Variants in PCDH9 observed in about 807,000 individuals in gnomAD.
PCDH9 encodes the protein protocadherin-9.
A neutral mutation model predicts 70.6 loss-of-function variants in PCDH9; 24 were observed. The observed-to-expected ratio is 0.34, with a 90% CI of 0.25 to 0.48. The LOEUF is 0.48. Ranked by LOEUF, PCDH9 falls within the 20% of genes least tolerant of loss-of-function variation. The probability of loss-of-function intolerance (pLI) is 0.99; values close to 1 mark genes in which losing one functional copy is unlikely to be tolerated. For missense variants in PCDH9, 1,281 were observed against 1,503.6 expected (o/e 0.85, Z 2.45); for synonymous variants, 562 against 558.5 (o/e 1.01, Z -0.09).
chr13:67,083,209 A>G (rs1486605340), intron 2 of PCDH9, among the ~76,000 whole-genome samples: 1 of 152,172 alleles, frequency 6.6e-6, no homozygotes, highest in Non-Finnish European at 1.5e-5. Context: ...ATGTATTATT[A>G]AAATGCATTT....
At chr13:67,190,431 A>C (rs1286668177) in intron 2 of PCDH9, among the ~76,000 whole-genome samples, 2 of 150,900 alleles carry the variant, frequency 1.3e-5, no homozygotes, top group Non-Finnish European at 3.0e-5. Flanking sequence ...TTTCACCTAG[A>C]CTTTGATATC....
In PCDH9 at chr13:66,312,610, C is replaced by CAAAA. The variant is rs11352387; in HGVS notation, c.3341-7586_3341-7583dup. Among the ~76,000 whole-genome samples, 1,225 of 137,520 alleles carry CAAAA rather than the reference C, an allele frequency of 8.9e-3. 16 individuals are homozygous for CAAAA. The highest frequency in any genetic ancestry group is 0.031 in the African/African-American group (1,145 of 37,352). The allele number at this position is 137,520 out of a possible 152,430, so 90.2% of individuals were successfully genotyped here. ...TGGGAGATAGAGCGAGATCCTGCCT[C>CAAAA]AAAAAAAAAAAAAAAATTACTCTAG... is the stretch of plus-strand genomic sequence containing the variant. On this transcript the variant is annotated intron_variant, in intron 4 of 4. Transcript: ENST00000377865.
chr13:66,996,601 C>T (rs1320405870), intron 2 of PCDH9, among the ~76,000 whole-genome samples: 1 of 152,118 alleles, frequency 6.6e-6, no homozygotes. Context: ...AAGGAAATAG[C>T]ATCAACATTA....
At chr13:66,856,818 T>C (rs949420081) in intron 3 of PCDH9, among the ~76,000 whole-genome samples, 2 of 152,114 alleles carry the variant, frequency 1.3e-5, no homozygotes, top group East Asian at 1.9e-4. Flanking sequence ...TCTATACTTA[T>C]GTGCTTTCAC....
At chr13:66,513,729 A>AC (rs1959599247) in intron 4 of PCDH9, among the ~76,000 whole-genome samples, 1 of 152,128 alleles carries the variant, frequency 6.6e-6, no homozygotes, top group Admixed American at 6.6e-5. Flanking sequence ...TAAAAAAAAA[A>AC]AAAGCCTGAA....
intron 2 of PCDH9, among the ~76,000 whole-genome samples, chr13:67,174,779 T>C (rs1402630557): frequency 1.3e-5 from 2 of 152,126 alleles, no homozygotes; most frequent in African/African-American, 4.8e-5. Flanking sequence ...TGTCATTTCT[T>C]TATCAGATTG....
At chr13:66,670,605 T>C (rs568667101) in intron 3 of PCDH9, among the ~76,000 whole-genome samples, 3 of 152,174 alleles carry the variant, frequency 2.0e-5, no homozygotes, top group African/African-American at 7.2e-5. Flanking sequence ...CTCAGTTAAA[T>C]GAGAAGAGGA....
At chr13:66,535,864 A>G (rs1299710506) in intron 4 of PCDH9, among the ~76,000 whole-genome samples, 1 of 152,022 alleles carries the variant, frequency 6.6e-6, no homozygotes, top group Non-Finnish European at 1.5e-5. Flanking sequence ...ATAACTACAA[A>G]ATTGAAATAG....
chr13:67,076,835 C>A lies in PCDH9; in HGVS notation c.3036+148570G>T, dbSNP rs560403229. ...GAATGCACAATATAGTTTAATTTTC[C>A]TATTTGAAGTAACATAACACATATG... On this transcript the variant is annotated intron_variant, in intron 2 of 4. Coordinates refer to ENST00000377865, the MANE Select transcript of PCDH9 (RefSeq NM_203487.3). 5.3e-5 allele frequency among the ~76,000 whole-genome samples: 8 copies of A among 152,204 alleles called. No homozygotes were observed. In the South Asian group the frequency reaches 1.0e-3, roughly 20 times the overall value.
chr13:66,714,050 T>C (rs1311679108), intron 3 of PCDH9, among the ~76,000 whole-genome samples: 1 of 152,192 alleles, frequency 6.6e-6, no homozygotes, highest in African/African-American at 2.4e-5. Flanking sequence ...TAATATACTT[T>C]TGAAGGCTAT....
At chr13:66,379,059 C>G (rs922157661) in intron 4 of PCDH9, among the ~76,000 whole-genome samples, 1 of 152,162 alleles carries the variant, frequency 6.6e-6, no homozygotes, top group Non-Finnish European at 1.5e-5. Context: ...GGAAGTATCC[C>G]AACAATCTGT....
At chr13:67,047,891 C>T (rs2085252546) in intron 2 of PCDH9, among the ~76,000 whole-genome samples, 1 of 152,176 alleles carries the variant, frequency 6.6e-6, no homozygotes, top group African/African-American at 2.4e-5. Context: ...CTCTACGCTA[C>T]CAGTTTATCT....
chr13:66,640,170 A>G (rs957771387), intron 3 of PCDH9, among the ~76,000 whole-genome samples: 1 of 152,210 alleles, frequency 6.6e-6, no homozygotes, highest in African/African-American at 2.4e-5. Context: ...GACATCACAG[A>G]TACAACATAC....
At chr13:66,688,219 C>A (rs1484138136) in intron 3 of PCDH9, among the ~76,000 whole-genome samples, 1 of 152,112 alleles carries the variant, frequency 6.6e-6, no homozygotes, top group Non-Finnish European at 1.5e-5. Context: ...ATCTAATCAT[C>A]TTCTGTCACT....
chr13:66,931,830 T>C (rs1216807712), intron 2 of PCDH9, among the ~76,000 whole-genome samples: 2 of 152,182 alleles, frequency 1.3e-5, no homozygotes, highest in African/African-American at 4.8e-5. Context: ...ACAATATGGT[T>C]ACCAATCAGC....
At chr13:67,165,828 T>C (rs2088101045) in intron 2 of PCDH9, among the ~76,000 whole-genome samples, 1 of 152,158 alleles carries the variant, frequency 6.6e-6, no homozygotes. Context: ...GCATGGACAT[T>C]TGCATTTTTT....
intron 4 of PCDH9, among the ~76,000 whole-genome samples, chr13:66,366,263 T>G (rs748333867): frequency 7.9e-5 from 12 of 152,044 alleles, no homozygotes; most frequent in Non-Finnish European, 1.3e-4. Flanking sequence ...TTATTGAACT[T>G]TGCAGAATTA....
intron 2 of PCDH9, among the ~76,000 whole-genome samples, chr13:67,090,682 G>GA (rs1326591011): frequency 1.3e-5 from 2 of 151,508 alleles, no homozygotes; most frequent in Admixed American, 6.6e-5. Flanking sequence ...GAATAAAAAT[G>GA]AAAAAAATCA....
chr13:66,451,013 T>C (rs1408590630), intron 4 of PCDH9, among the ~76,000 whole-genome samples: 1 of 152,020 alleles, frequency 6.6e-6, no homozygotes, highest in Non-Finnish European at 1.5e-5. Context: ...CAAGACTCCG[T>C]CTCAAAAACA....
Sources: allele counts gnomAD v4.1 joint callset (sites outside exome capture counted in the v4.1 genomes callset), GRCh38; gene constraint gnomAD v4.1.1; transcripts MANE v1.5; gene names NCBI Gene and HGNC (gene_info 2026-07-23, HGNC 2026-07-21).